The following LMO7 variants were observed in gnomAD, a reference collection of about 807,000 sequenced individuals.
The protein encoded by LMO7 is LIM domain 7, also known as LIM domain only protein 7.
A neutral mutation model predicts 206.5 loss-of-function variants in LMO7; 120 were observed. The ratio of observed to expected loss-of-function variants is 0.58; its 90% CI spans 0.50 to 0.68. The LOEUF is 0.68. LMO7 is among the 30% of genes least tolerant of loss of function. The probability of loss-of-function intolerance (pLI) is 0.00; values close to 1 mark genes in which losing one functional copy is unlikely to be tolerated. For synonymous variants in LMO7, 706 were observed against 681.5 expected, an observed-to-expected ratio of 1.04 and a Z score of -0.56; for missense variants, 1,959 against 1,957.9, an observed-to-expected ratio of 1.00 and a Z score of -0.01.
intron 1 of LMO7, chr13:75,688,794 CA>C (rs1043315202): frequency 1.3e-5 from 2 of 151,406 alleles, no homozygotes; most frequent in African/African-American, 4.9e-5. Flanking sequence ...CTGACTTACT[CA>C]TTTTTTTTTC....
chr13:75,809,363 G>A (rs2055993275), intron 11 of LMO7, among the ~76,000 whole-genome samples, 180 bp downstream of exon 11: 1 of 152,152 alleles, frequency 6.6e-6, no homozygotes, highest in Non-Finnish European at 1.5e-5. Flanking sequence ...TTGGTGCCCA[G>A]TGCAAGATAA....
chr13:75,846,114 A>AAT (rs1359440118), intron 26 of LMO7, among the ~76,000 whole-genome samples: 1 of 152,086 alleles, frequency 6.6e-6, no homozygotes, highest in Non-Finnish European at 1.5e-5. Flanking sequence ...AAAAAAAAAA[A>AAT]AAATCTGTTT....
At chr13:75,767,793 G>A (rs181447735) in intron 4 of LMO7, among the ~76,000 whole-genome samples, 58 of 152,162 alleles carry the variant, frequency 3.8e-4, no homozygotes, top group South Asian at 8.3e-4. Flanking sequence ...AGAGATTTTG[G>A]TATTCCCTGA....
At chr13:75,661,617 C>T (rs1439518627) in intron 1 of LMO7, among the ~76,000 whole-genome samples, 1 of 152,200 alleles carries the variant, frequency 6.6e-6, no homozygotes, top group African/African-American at 2.4e-5. Context: ...GCCACTGCCA[C>T]CTGTTTCCAG....
chr13:75,684,666 G>A lies in LMO7; in HGVS notation c.70-28516G>A, dbSNP rs983797929. ...GGGTTAAATAGAAGGAAAAATAGGG[G>A]GAGGCTTCGAAATCCTGTAACATAG... On this transcript the variant is annotated intron_variant, in intron 1 of 30. Coordinates refer to ENST00000377534, the MANE Select transcript of LMO7 (RefSeq NM_001306080.2). 2.0e-5 allele frequency among the ~76,000 whole-genome samples: 3 copies of A among 151,910 alleles called. No homozygotes were observed. In the South Asian group the frequency reaches 6.2e-4, roughly 32 times the overall value.
intron 4 of LMO7, among the ~76,000 whole-genome samples, chr13:75,776,154 A>G (rs1219460957): frequency 3.4e-5 from 3 of 87,474 alleles, no homozygotes; most frequent in African/African-American, 1.1e-4. Context: ...TGCCATGTAT[A>G]TATATCGGAT....
At chr13:75,717,377 A>C (rs1316565649) in intron 2 of LMO7, among the ~76,000 whole-genome samples, 5 of 150,310 alleles carry the variant, frequency 3.3e-5, no homozygotes, top group Admixed American at 6.6e-5. Flanking sequence ...AAAAAAAAAA[A>C]AAAACACACA....
At chr13:75,755,456 ACTC>A (rs2047611208) in intron 3 of LMO7, among the ~76,000 whole-genome samples, 1 of 149,454 alleles carries the variant, frequency 6.7e-6, no homozygotes, top group African/African-American at 2.5e-5. Flanking sequence ...TTCTCTCTTG[ACTC>A]CTCTTTCTTT....
At chr13:75,855,913 T>C (rs888976952) in intron 29 of LMO7, among the ~76,000 whole-genome samples, 18 of 152,216 alleles carry the variant, frequency 1.2e-4, no homozygotes, top group Admixed American at 7.2e-4. Flanking sequence ...TGAACTTGCA[T>C]TGGGCCAGAG....
intron 3 of LMO7, among the ~76,000 whole-genome samples, chr13:75,755,810 A>G (rs531329687): frequency 6.6e-6 from 1 of 152,356 alleles, no homozygotes; most frequent in East Asian, 1.9e-4. Context: ...ATTCTACCCA[A>G]TTAACTAAGT....
intron 1 of LMO7, among the ~76,000 whole-genome samples, chr13:75,690,667 T>C (rs535623067): frequency 1.8e-4 from 27 of 152,316 alleles, no homozygotes; most frequent in Admixed American, 7.8e-4. Flanking sequence ...TTGTAAGTGA[T>C]TGAAAGCTTA....
At chr13:75,809,298 T>C in intron 11 of LMO7, 115 bp downstream of exon 11, 2 of 834,174 alleles carry the variant, frequency 2.4e-6, no homozygotes, top group South Asian at 1.7e-5. Flanking sequence ...CTGTGCATGA[T>C]ATTTTTTAAG....
At chr13:75,767,262 C>T (rs554235526) in intron 4 of LMO7, among the ~76,000 whole-genome samples, 2 of 152,138 alleles carry the variant, frequency 1.3e-5, no homozygotes, top group East Asian at 3.9e-4. Flanking sequence ...TCAGTGTCTT[C>T]ATATCATAAT....
intron 1 of LMO7, among the ~76,000 whole-genome samples, chr13:75,683,397 A>G (rs2139534391): frequency 6.6e-6 from 1 of 152,328 alleles, no homozygotes; most frequent in Non-Finnish European, 1.5e-5. Flanking sequence ...ATATTTGCAT[A>G]TGGTGGACAG....
intron 3 of LMO7, among the ~76,000 whole-genome samples, chr13:75,742,229 C>A (rs750541784): frequency 3.9e-5 from 6 of 151,976 alleles, no homozygotes; most frequent in Non-Finnish European, 8.8e-5. Flanking sequence ...TCAGAGAAAT[C>A]AGAGATGACA....
chr13:75,853,202 G>A lies in LMO7; in HGVS notation c.4475G>A (p.Ser1492Asn). 1 of 1,614,054 alleles carries A rather than the reference G, an allele frequency of 6.2e-7. No individual in the cohort carries two copies. The highest frequency in any genetic ancestry group is 8.5e-7 in the Non-Finnish European group (1 of 1,180,000). ...GCTTCTTCCTCTGTGCAAGACTTTA[G>A]TCGCCCACCACCTCAGCTGGTGTCC... The part of the protein sequence containing the change: ...FYASSSVQDF[S>N]RPPPQLVSTS... Residue 1492 changes from serine (S) to asparagine (N), a missense_variant, in exon 28 of 31, where the codon AGT becomes AAT. Ser to Asn is a conservative substitution (Grantham distance 46). Coordinates refer to ENST00000377534, the MANE Select transcript of LMO7 (RefSeq NM_001306080.2).
rs778655233 is a variant in LMO7 at position 75,821,460 on chromosome 13, C to T, written c.2491C>T (p.Arg831Trp). 58 of 1,614,040 alleles carry T rather than the reference C, an allele frequency of 3.6e-5. No homozygotes were observed. The highest frequency in any genetic ancestry group is 2.0e-4 in the East Asian group (9 of 44,900). The change falls in exon 14 of 31, where the codon CGG becomes TGG. Residue 831 changes from arginine (R) to tryptophan (W), a missense_variant. Transcript: ENST00000377534. Reference protein sequence around the residue: ...SPASLSSLRSRSTQMESTRVS... With the variant: ...SPASLSSLRSWSTQMESTRVS... ...AGCCTCTTTGTCTTCTCTGCGTTCA[C>T]GGAGCACACAAATGGAATCAACTCG...
chr13:75,837,653 A>C (rs945668956), intron 19 of LMO7, among the ~76,000 whole-genome samples: 1 of 151,942 alleles, frequency 6.6e-6, no homozygotes, highest in Non-Finnish European at 1.5e-5. Flanking sequence ...GGTGGTCGTA[A>C]CTTTAGTATT....
At chr13:75,805,346 G>T (rs910607975) in intron 8 of LMO7, 133 bp from the exon 9 acceptor site, 10 of 1,031,146 alleles carry the variant, frequency 9.7e-6, no homozygotes, top group Non-Finnish European at 1.4e-5. Context: ...TAGGAGCTGT[G>T]GTGGTGATGA....
Sources: allele counts gnomAD v4.1 joint callset (sites outside exome capture counted in the v4.1 genomes callset), GRCh38; gene constraint gnomAD v4.1.1; transcripts MANE v1.5; gene names NCBI Gene and HGNC (gene_info 2026-07-23, HGNC 2026-07-21).